The following DLG2 variants were observed in gnomAD, a reference collection of about 807,000 sequenced individuals.
DLG2 encodes discs large MAGUK scaffold protein 2, also known as disks large homolog 2.
Under a neutral mutation model 132.5 loss-of-function variants are expected in DLG2, and 45 were observed. The ratio of observed to expected loss-of-function variants is 0.34; its 90% CI spans 0.27 to 0.44. DLG2 has a LOEUF of 0.44. Ranked by LOEUF, DLG2 falls within the 20% of genes least tolerant of loss-of-function variation. The pLI, the probability that DLG2 is intolerant of heterozygous loss-of-function variation, is 1.00. For synonymous variants in DLG2, 424 were observed against 419.6 expected (o/e 1.01, Z -0.13); for missense variants, 1,045 against 1,196.9 (o/e 0.87, Z 1.87).
intron 7 of DLG2, among the ~76,000 whole-genome samples, chr11:84,490,659 A>G (rs1311171789): frequency 6.6e-6 from 1 of 151,962 alleles, no homozygotes; most frequent in African/African-American, 2.4e-5. Context: ...CAAAAAAAAA[A>G]AAAAAAAACC....
intron 3 of DLG2, among the ~76,000 whole-genome samples, chr11:85,402,645 GA>G (rs1447435166): frequency 6.6e-6 from 1 of 151,872 alleles, no homozygotes; most frequent in Non-Finnish European, 1.5e-5. Flanking sequence ...AAATTTACAA[GA>G]AAAAAACAAA....
intron 19 of DLG2, among the ~76,000 whole-genome samples, chr11:83,561,807 C>T (rs2096613563): frequency 6.6e-6 from 1 of 151,390 alleles, no homozygotes; most frequent in African/African-American, 2.4e-5. Flanking sequence ...CTAATAAGTA[C>T]CAGGTAGGGC....
chr11:83,629,520 T>G (rs1372691826), intron 19 of DLG2, among the ~76,000 whole-genome samples: 2 of 152,182 alleles, frequency 1.3e-5, no homozygotes, highest in Non-Finnish European at 2.9e-5. Context: ...ACTCTAGCTT[T>G]CCTTTTATCA....
intron 6 of DLG2, among the ~76,000 whole-genome samples, chr11:84,693,848 C>T (rs1053652292): frequency 2.6e-5 from 4 of 151,698 alleles, no homozygotes; most frequent in African/African-American, 9.7e-5. Context: ...TTGACTACTA[C>T]TCATCTGGAA....
At chr11:83,468,259 G>A (rs1230171709) in intron 25 of DLG2, among the ~76,000 whole-genome samples, 1 of 152,140 alleles carries the variant, frequency 6.6e-6, no homozygotes, top group Non-Finnish European at 1.5e-5. Flanking sequence ...CCACTAAGAT[G>A]GTTCAAGCCG....
chr11:85,309,429 C>CA (rs34393401), intron 3 of DLG2, among the ~76,000 whole-genome samples: 116,241 of 143,412 alleles, frequency 0.81, 47,195 homozygotes, highest in Non-Finnish European at 0.88. Context: ...GGTTTTCTAC[C>CA]AAAAAAAAAA....
chr11:84,313,703 G>A (rs17566476), intron 7 of DLG2, among the ~76,000 whole-genome samples: 11,945 of 126,944 alleles, frequency 0.094, 611 homozygotes, highest in Non-Finnish European at 0.13. Flanking sequence ...AAGAGGATAC[G>A]AAAGGAAAGG....
intron 5 of DLG2, among the ~76,000 whole-genome samples, chr11:85,151,490 T>G (rs972479280): frequency 6.6e-6 from 1 of 152,150 alleles, no homozygotes; most frequent in African/African-American, 2.4e-5. Context: ...ATAGTTTAAA[T>G]ATTACATTTT....
intron 6 of DLG2, among the ~76,000 whole-genome samples, chr11:84,908,633 A>G (rs934521675): frequency 2.0e-5 from 3 of 151,966 alleles, no homozygotes; most frequent in African/African-American, 7.2e-5. Flanking sequence ...TCGGAAAGAA[A>G]GACTGGGAAT....
intron 6 of DLG2, among the ~76,000 whole-genome samples, chr11:84,882,681 C>T (rs965242521): frequency 7.2e-5 from 11 of 151,998 alleles, no homozygotes; most frequent in African/African-American, 2.7e-4. Context: ...CAAATCTATC[C>T]TTATTCACTT....
intron 6 of DLG2, among the ~76,000 whole-genome samples, chr11:84,921,006 T>C (rs1391978226): frequency 2.0e-5 from 3 of 152,176 alleles, no homozygotes; most frequent in Admixed American, 6.5e-5. Flanking sequence ...AGAAACTATA[T>C]ACCATAAGAG....
intron 3 of DLG2, among the ~76,000 whole-genome samples, chr11:85,529,724 G>T (rs1276666625): frequency 6.6e-6 from 1 of 151,988 alleles, no homozygotes; most frequent in African/African-American, 2.4e-5. Flanking sequence ...AAATCTCCAT[G>T]CCTTTGATTA....
intron 6 of DLG2, among the ~76,000 whole-genome samples, chr11:84,706,210 A>G (rs2059762603): frequency 6.6e-6 from 1 of 151,842 alleles, no homozygotes. Flanking sequence ...TGTATTTGCT[A>G]AACAAACGAA....
At chr11:84,884,798 C>T (rs10898314) in intron 6 of DLG2, among the ~76,000 whole-genome samples, 64,517 of 151,790 alleles carry the variant, frequency 0.43, 14,159 homozygotes, top group Middle Eastern at 0.45. Flanking sequence ...AACCATGGTC[C>T]AAAAATATTA....
At chr11:85,146,041 A>G (rs1255774685) in intron 5 of DLG2, among the ~76,000 whole-genome samples, 1 of 152,162 alleles carries the variant, frequency 6.6e-6, no homozygotes, top group Non-Finnish European at 1.5e-5. Flanking sequence ...CACTGAAGCC[A>G]TATCAACACT....
intron 18 of DLG2, among the ~76,000 whole-genome samples, chr11:83,690,673 G>A (rs1414259479): frequency 1.4e-5 from 2 of 143,828 alleles, no homozygotes; most frequent in East Asian, 4.1e-4. Flanking sequence ...TTCGGTCCAT[G>A]CTGTGGGTGG....
At chr11:83,819,826 C>G (rs1370198866) in intron 17 of DLG2, among the ~76,000 whole-genome samples, 1 of 152,102 alleles carries the variant, frequency 6.6e-6, no homozygotes, top group Non-Finnish European at 1.5e-5. Context: ...ATAGGTCAGT[C>G]CAACGTTGAA....
chr11:84,739,130 T>C lies in DLG2; in HGVS notation c.358-204399A>G, dbSNP rs181880361. Among the ~76,000 whole-genome samples, 33 of 152,274 alleles carry C rather than the reference T, an allele frequency of 2.2e-4. 1 individual carries two copies. The highest frequency in any genetic ancestry group is 7.2e-4 in the Admixed American group (11 of 15,294). On this transcript the variant is annotated intron_variant, in intron 6 of 27. Coordinates refer to ENST00000376104, the MANE Select transcript of DLG2 (RefSeq NM_001142699.3). Reference sequence around the variant, plus strand: ...TAATGTGGCAGTGGTTTCTCAGATGTACATGTCTATCAAAACAGATCAAAT... The same window carrying C: ...TAATGTGGCAGTGGTTTCTCAGATGCACATGTCTATCAAAACAGATCAAAT...
At chr11:84,783,743 T>C (rs2072266545) in intron 6 of DLG2, among the ~76,000 whole-genome samples, 1 of 152,042 alleles carries the variant, frequency 6.6e-6, no homozygotes, top group African/African-American at 2.4e-5. Flanking sequence ...TGATCTAGAG[T>C]CAGAATTAAA....
Sources: gnomAD v4.1 joint callset for allele counts (sites outside exome capture counted in the v4.1 genomes callset) on GRCh38, gnomAD v4.1.1 for gene constraint, MANE v1.5 for transcripts, NCBI Gene and HGNC (gene_info 2026-07-23, HGNC 2026-07-21) for gene names.